TLK1: variants seen among roughly 807,000 people sequenced by gnomAD.
TLK1 encodes the protein tousled like kinase 1.
In TLK1, 24 loss-of-function variants were observed where a neutral mutation model predicts 105.3. The observed-to-expected ratio is 0.23, with a 90% CI of 0.17 to 0.32. The LOEUF is 0.32. TLK1 is among the 10% of genes least tolerant of loss of function. The pLI is 1.00. For synonymous variants in TLK1, 321 were observed against 310.4 expected (o/e 1.03, Z -0.36); for missense variants, 558 against 910.5 (o/e 0.61, Z 4.98).
intron 2 of TLK1, among the ~76,000 whole-genome samples, chr2:171,115,698 G>A (rs1443507329): frequency 6.6e-6 from 1 of 152,142 alleles, no homozygotes; most frequent in Non-Finnish European, 1.5e-5. Context: ...TTGACTATAT[G>A]TAAAATCTCA....
At chr2:171,094,346 A>AG in intron 2 of TLK1, among the ~76,000 whole-genome samples, 1 of 152,126 alleles carries the variant, frequency 6.6e-6, no homozygotes, top group Middle Eastern at 3.2e-3. Flanking sequence ...GGACATATCT[A>AG]GGGGATCTAC....
At chr2:171,225,123 A>G (rs200155318) in intron 1 of TLK1, among the ~76,000 whole-genome samples, 8,327 of 151,996 alleles carry the variant, frequency 0.055, 482 homozygotes, top group East Asian at 0.25. Flanking sequence ...AGGTAATGAT[A>G]AAAAAAATAC....
chr2:171,220,290 C>G (rs1349596500), intron 1 of TLK1, among the ~76,000 whole-genome samples: 1 of 152,154 alleles, frequency 6.6e-6, no homozygotes, highest in Non-Finnish European at 1.5e-5. Context: ...ATGAAGGGAG[C>G]AGCATGGCAG....
intron 18 of TLK1, among the ~76,000 whole-genome samples, chr2:171,000,859 A>G (rs999339089): frequency 6.6e-6 from 1 of 152,040 alleles, no homozygotes; most frequent in Non-Finnish European, 1.5e-5. Flanking sequence ...TCTAATGTCA[A>G]CCTGTTTTCT....
chr2:171,221,881 A>T (rs180902109), intron 1 of TLK1, among the ~76,000 whole-genome samples: 10 of 152,138 alleles, frequency 6.6e-5, no homozygotes, highest in Non-Finnish European at 1.5e-4. Flanking sequence ...AACCATTATT[A>T]CCTCCTTCAA....
At chr2:171,216,267 G>C (rs1185804420) in intron 1 of TLK1, among the ~76,000 whole-genome samples, 1 of 152,174 alleles carries the variant, frequency 6.6e-6, no homozygotes, top group Non-Finnish European at 1.5e-5. Context: ...ACGAGGTCAG[G>C]AGATTGAGAC....
chr2:171,019,111 T>A (rs1685350170), intron 12 of TLK1, among the ~76,000 whole-genome samples: 1 of 150,590 alleles, frequency 6.6e-6, no homozygotes, highest in Non-Finnish European at 1.5e-5. Context: ...TTCTAACAGT[T>A]AAAATTAAAA....
At chr2:171,013,522 T>G (rs1037333668) in intron 13 of TLK1, among the ~76,000 whole-genome samples, 1 of 151,780 alleles carries the variant, frequency 6.6e-6, no homozygotes, top group Admixed American at 6.6e-5. Flanking sequence ...CTGAGGCTCG[T>G]TTTTGACTCC....
chr2:171,048,140 G>C (rs1020951809), intron 10 of TLK1, among the ~76,000 whole-genome samples: 3 of 152,186 alleles, frequency 2.0e-5, no homozygotes, highest in Admixed American at 6.5e-5. Flanking sequence ...GTAGAGACAG[G>C]GTTTCACCCT....
At chr2:171,064,941 T>C (rs1028474185) in intron 3 of TLK1, among the ~76,000 whole-genome samples, 3 of 152,226 alleles carry the variant, frequency 2.0e-5, no homozygotes, top group Admixed American at 1.3e-4. Flanking sequence ...ATAATTTAAC[T>C]AATCCTCCAA....
chr2:171,074,991 C>T (rs1426925493), intron 3 of TLK1, among the ~76,000 whole-genome samples: 2 of 151,746 alleles, frequency 1.3e-5, no homozygotes, highest in African/African-American at 4.8e-5. Context: ...TAAAGTCTCT[C>T]TTCTTTCTTA....
At chr2:171,022,086 AACACACACAC>A (rs557803785) in intron 12 of TLK1, among the ~76,000 whole-genome samples, 124 of 103,104 alleles carry the variant, frequency 1.2e-3, no homozygotes, top group African/African-American at 3.6e-3. Flanking sequence ...CTGGGCGAAA[AACACACACAC>A]ACACACACAC....
At chr2:171,119,050 C>T (rs562544374) in intron 1 of TLK1, among the ~76,000 whole-genome samples, 1 of 152,318 alleles carries the variant, frequency 6.6e-6, no homozygotes, top group Non-Finnish European at 1.5e-5. Flanking sequence ...CTCACTCCTT[C>T]TTGACATCCA....
At chr2:171,221,939 A>G (rs1429082063) in intron 1 of TLK1, among the ~76,000 whole-genome samples, 1 of 152,252 alleles carries the variant, frequency 6.6e-6, no homozygotes, top group African/African-American at 2.4e-5. Flanking sequence ...GCGTCAGCAT[A>G]TGAATTTTTT....
At chr2:171,174,126 CATCTTTTTA>C (rs1326167566) in intron 1 of TLK1, among the ~76,000 whole-genome samples, 3 of 152,160 alleles carry the variant, frequency 2.0e-5, no homozygotes, top group African/African-American at 2.4e-5. Flanking sequence ...GATTCTTTTT[CATCTTTTTA>C]ATCTTGTTGT....
Position 171,050,959 on chromosome 2 carries a change from A to C in TLK1, c.733-785T>G, listed in dbSNP as rs565813475. Among the ~76,000 whole-genome samples, 8 of 152,360 alleles carry C rather than the reference A, an allele frequency of 5.3e-5. 2 individuals carry two copies. The South Asian group carries it at 1.7e-3, about 32-fold the overall frequency. ...TCTGAAGATCACACTTTGAGAATCA[A>C]AAGTCTAGGCCAACCATGGTGGAAT... On this transcript the variant is annotated intron_variant, in intron 8 of 20. Transcript: ENST00000431350.
intron 1 of TLK1, among the ~76,000 whole-genome samples, chr2:171,157,178 GAGC>G (rs1158998277): frequency 6.6e-6 from 1 of 152,142 alleles, no homozygotes; most frequent in Non-Finnish European, 1.5e-5. Flanking sequence ...TGGCAGGTTG[GAGC>G]AGGAAAGAAA....
chr2:171,048,922 C>T (rs1316212113), intron 10 of TLK1, among the ~76,000 whole-genome samples: 1 of 152,224 alleles, frequency 6.6e-6, no homozygotes, highest in African/African-American at 2.4e-5. Flanking sequence ...ATATTTAGCA[C>T]TCCTTAACAC....
chr2:171,003,769 ATCTTTACATT>A (rs538181899), intron 18 of TLK1, among the ~76,000 whole-genome samples: 1 of 152,324 alleles, frequency 6.6e-6, no homozygotes, highest in East Asian at 1.9e-4. Context: ...TTAATTCGGC[ATCTTTACATT>A]TGTTTACGTT....
Sources: gnomAD v4.1 joint callset for allele counts (sites outside exome capture counted in the v4.1 genomes callset) on GRCh38, gnomAD v4.1.1 for gene constraint, MANE v1.5 for transcripts, NCBI Gene and HGNC (gene_info 2026-07-23, HGNC 2026-07-21) for gene names.